Variants in GINS4 observed in about 807,000 individuals in gnomAD.
GINS4 encodes the protein GINS complex subunit 4.
GINS4 carries 20 observed loss-of-function variants against 31.1 expected under a neutral mutation model. The observed-to-expected ratio is 0.64, with a 90% CI of 0.45 to 0.93. The LOEUF (loss-of-function observed/expected upper bound fraction) is 0.93. GINS4 is among the 40% of genes least tolerant of loss of function. The pLI, the probability that GINS4 is intolerant of heterozygous loss-of-function variation, is 0.00. For synonymous variants in GINS4, 85 were observed against 97.9 expected (o/e 0.87, Z 0.78); for missense variants, 245 against 273.9 (o/e 0.89, Z 0.75).
At chr8:41,530,052 C>G in intron 1 of GINS4, 132 bp from the exon 2 acceptor site, 1 of 592,874 alleles carries the variant, frequency 1.7e-6, no homozygotes, top group Middle Eastern at 4.2e-4. Flanking sequence ...CCTGCGTTCT[C>G]TCACCACTTG....
chr8:41,535,966 T>C (rs930673503), intron 2 of GINS4, among the ~76,000 whole-genome samples: 2 of 152,158 alleles, frequency 1.3e-5, no homozygotes, highest in African/African-American at 4.8e-5. Context: ...TGAAGAGCTG[T>C]GTGGATTGGT....
chr8:41,531,488 AT>A (rs1305272491), intron 2 of GINS4, among the ~76,000 whole-genome samples: 2 of 152,180 alleles, frequency 1.3e-5, no homozygotes, highest in African/African-American at 4.8e-5. Flanking sequence ...AGTATTCTTC[AT>A]TCTTCCCTGC....
In GINS4 at chr8:41,542,506, A is replaced by C. The variant is rs1806861678; in HGVS notation, c.*419A>C. 1.1e-5 allele frequency: 2 copies of C among 180,690 alleles called. No homozygotes were observed. The highest frequency in any genetic ancestry group is 2.2e-4 in the South Asian group (2 of 9,146). 11.2% of individuals were successfully genotyped at this position (180,690 alleles called of 1,614,324 possible). ...ACCCATCTCTACTAAAAATACAAAA[A>C]ATTAGCCAGGCATGGTGGCGGGCCC... On this transcript the variant is annotated 3_prime_UTR_variant, in exon 8 of 8. Transcript: ENST00000276533.
Position 41,544,480 on chromosome 8 carries a change from T to C in GINS4, c.*2393T>C, listed in dbSNP as rs1430631118. ...ACAGTGTGCTTCCTAAGCCTTAATG[T>C]GCATACCCATCGCCTGGAGCTCGCC... On this transcript the variant is annotated 3_prime_UTR_variant, in exon 8 of 8. Coordinates refer to ENST00000276533, the MANE Select transcript of GINS4 (RefSeq NM_032336.3). The C allele has an allele frequency of 6.6e-6, 1 of 152,226 alleles. No individual in the cohort carries two copies. Among genetic ancestry groups the C allele is most frequent in the Non-Finnish European group, 1.5e-5 (1 of 68,054 alleles). The allele number at this position is 152,226 out of a possible 1,614,324, so 9.4% of individuals were successfully genotyped here.
intron 2 of GINS4, among the ~76,000 whole-genome samples, 182 bp downstream of exon 2, chr8:41,530,480 A>G (rs765966140): frequency 6.6e-5 from 10 of 152,246 alleles, no homozygotes; most frequent in Non-Finnish European, 1.3e-4. Context: ...AGACCTCATC[A>G]TATCAAACAC....
chr8:41,542,366 A>T lies in GINS4; in HGVS notation c.*279A>T. The stretch of plus-strand genomic sequence containing the variant: ...GCCATTGCACTCCAGCCTGGGTGAC[A>T]GTGAGACTTTGTCTCAAAAAAAAAA... On this transcript the variant is annotated 3_prime_UTR_variant, in exon 8 of 8. Coordinates refer to ENST00000276533, the MANE Select transcript of GINS4 (RefSeq NM_032336.3). The T allele has an allele frequency of 2.6e-6, 1 of 388,480 alleles. No individual in the cohort carries two copies. The highest frequency in any genetic ancestry group is 4.7e-6 in the Non-Finnish European group (1 of 211,272). The allele number at this position is 388,480 out of a possible 1,614,324, so 24.1% of individuals were successfully genotyped here. A position where few individuals can be genotyped will look rare whatever the true frequency, so the allele number is the denominator to read the frequency against.
In GINS4 at chr8:41,537,451, G is replaced by A. The variant is rs1241003487; in HGVS notation, c.297+158G>A. On this transcript the variant is annotated intron_variant, in intron 4 of 7. Transcript: ENST00000276533. ...TGTAGCTAAACTGTAAGGAGAGCGA[G>A]AGATTGCTCCACAGAAGCACAGAGG... 2.2e-5 allele frequency: 13 copies of A among 577,964 alleles called. No homozygotes were observed. In the East Asian group the frequency reaches 3.4e-4, roughly 15 times the overall value. 35.8% of individuals were successfully genotyped at this position (577,964 alleles called of 1,614,324 possible).
At chr8:41,537,514 T>C in intron 4 of GINS4, 2 of 477,316 alleles carry the variant, frequency 4.2e-6, no homozygotes, top group South Asian at 5.9e-5. Flanking sequence ...CGCACACATT[T>C]TTAGTCTGTT....
intron 3 of GINS4, 75 bp from the exon 4 acceptor site, chr8:41,537,105 T>C (rs961849610): frequency 1.2e-6 from 1 of 860,310 alleles, no homozygotes; most frequent in Non-Finnish European, 1.9e-6. Flanking sequence ...TGAAACATAG[T>C]CTGGGTCCTC....
chr8:41,533,263 G>C (rs1806679714), intron 2 of GINS4, among the ~76,000 whole-genome samples: 4 of 152,204 alleles, frequency 2.6e-5, no homozygotes, highest in Admixed American at 2.6e-4. Flanking sequence ...CAAAATTATT[G>C]TTCAAGGCAG....
chr8:41,535,776 G>T (rs1806731426), intron 2 of GINS4, among the ~76,000 whole-genome samples: 1 of 152,084 alleles, frequency 6.6e-6, no homozygotes, highest in African/African-American at 2.4e-5. Context: ...TTAACCTCTG[G>T]CTCCAAAACT....
At chr8:41,540,206 C>T (rs943010627) in intron 6 of GINS4, among the ~76,000 whole-genome samples, 2 of 152,196 alleles carry the variant, frequency 1.3e-5, no homozygotes, top group Non-Finnish European at 2.9e-5. Context: ...TTCCTTGTTC[C>T]CTGGGGTGGG....
chr8:41,542,213 T>A lies in GINS4; in HGVS notation c.*126T>A, dbSNP rs2150462523. The A allele has an allele frequency of 4.3e-6, 3 of 703,630 alleles. No homozygotes were observed. In the South Asian group the frequency reaches 4.5e-5, roughly 11 times the overall value. The allele number at this position is 703,630 out of a possible 1,614,324, so 43.6% of individuals were successfully genotyped here. ...CCGACCAACATGGTGAAACCCCATC[T>A]TTACTAAAAATACAAAATAATTAGC... On this transcript the variant is annotated 3_prime_UTR_variant, in exon 8 of 8. Coordinates refer to ENST00000276533, the MANE Select transcript of GINS4 (RefSeq NM_032336.3).
At chr8:41,532,747 C>T (rs1806669224) in intron 2 of GINS4, among the ~76,000 whole-genome samples, 1 of 150,792 alleles carries the variant, frequency 6.6e-6, no homozygotes, top group Non-Finnish European at 1.5e-5. Flanking sequence ...GCAGGAGAAT[C>T]TCTTGAACCC....
intron 4 of GINS4, 85 bp from the exon 5 acceptor site, chr8:41,539,593 T>G: frequency 1.1e-6 from 1 of 934,420 alleles, no homozygotes. Flanking sequence ...CTCGGGAGGG[T>G]TGTGTAAACC....
At chr8:41,537,928 G>C (rs1290757152) in intron 4 of GINS4, 1 of 152,014 alleles carries the variant, frequency 6.6e-6, no homozygotes, top group African/African-American at 2.4e-5. Flanking sequence ...GGCTGAGACA[G>C]GAGAATTGCT....
At chr8:41,536,820 T>C (rs927352431) in intron 3 of GINS4, among the ~76,000 whole-genome samples, 2 of 152,220 alleles carry the variant, frequency 1.3e-5, no homozygotes, top group Admixed American at 6.5e-5. Flanking sequence ...CTGGCCTAGA[T>C]GATCTGAGCA....
At chr8:41,541,755 T>C (rs1806844414) in intron 6 of GINS4, 54 bp from the exon 7 acceptor site, 1 of 1,431,198 alleles carries the variant, frequency 7.0e-7, no homozygotes, top group Non-Finnish European at 9.8e-7. Context: ...AACTTTTACT[T>C]TGTTGACTTT....
rs951637519 is a variant in GINS4 at position 41,539,991 on chromosome 8, C to G, written c.471C>G (p.Asp157Glu). 3.1e-6 allele frequency: 5 copies of G among 1,613,422 alleles called. No individual in the cohort carries two copies. The African/African-American group carries it at 5.3e-5, about 17-fold the overall frequency. Residue 157 changes from aspartate (D) to glutamate (E), a missense_variant, in exon 6 of 8, where the codon GAC (aspartate) becomes GAG (glutamate). Asp to Glu is a conservative substitution (Grantham distance 45). Coordinates refer to ENST00000276533, the MANE Select transcript of GINS4 (RefSeq NM_032336.3). ...KHMPPNLQKV[D>E]LFRAVPKPDL... Reference sequence around the variant, plus strand: ...TGCCCCCTAACTTACAGAAGGTGGACCTCTTTCGGGCAGGTAAACAGGACG... The same window carrying G: ...TGCCCCCTAACTTACAGAAGGTGGAGCTCTTTCGGGCAGGTAAACAGGACG...
Sources: gnomAD v4.1 joint callset for allele counts (sites outside exome capture counted in the v4.1 genomes callset) on GRCh38, gnomAD v4.1.1 for gene constraint, MANE v1.5 for transcripts, NCBI Gene and HGNC (gene_info 2026-07-23, HGNC 2026-07-21) for gene names.